Variants in TAOK3 observed in about 807,000 individuals in gnomAD.
TAOK3 encodes the protein TAO kinase 3, also known as serine/threonine-protein kinase TAO3.
TAOK3 carries 40 observed loss-of-function variants against 120.4 expected under a neutral mutation model. The observed-to-expected ratio is 0.33, with a 90% CI of 0.26 to 0.43. The LOEUF is 0.43. TAOK3 is among the 20% of genes least tolerant of loss of function. The probability of loss-of-function intolerance (pLI) is 1.00; values close to 1 mark genes in which losing one functional copy is unlikely to be tolerated. For synonymous variants in TAOK3, 355 were observed against 387.5 expected (o/e 0.92, Z 0.99); for missense variants, 821 against 1,112.1 (o/e 0.74, Z 3.72).
chr12:118,286,291 T>C (rs1355767814), intron 1 of TAOK3, among the ~76,000 whole-genome samples: 1 of 152,158 alleles, frequency 6.6e-6, no homozygotes, highest in African/African-American at 2.4e-5. Context: ...AATTCCTACC[T>C]GCAGAGTGGG....
intron 1 of TAOK3, among the ~76,000 whole-genome samples, chr12:118,299,598 C>T (rs2042803640): frequency 6.6e-6 from 1 of 152,126 alleles, no homozygotes; most frequent in African/African-American, 2.4e-5. Context: ...CAACCTCTGC[C>T]TCCCAGGTTC....
chr12:118,345,377 T>C (rs1477362772), intron 1 of TAOK3, among the ~76,000 whole-genome samples: 2 of 151,986 alleles, frequency 1.3e-5, no homozygotes, highest in Non-Finnish European at 2.9e-5. Flanking sequence ...CTCAAAAGGG[T>C]TCATAACCAA....
At chr12:118,208,263 G>A (rs1420338579) in intron 11 of TAOK3, among the ~76,000 whole-genome samples, 2 of 152,048 alleles carry the variant, frequency 1.3e-5, no homozygotes, top group African/African-American at 4.8e-5. Context: ...AAAAATGCAT[G>A]GAAAAGATGT....
chr12:118,329,159 CAGTTCATGACTA>C (rs1241872987), intron 1 of TAOK3, among the ~76,000 whole-genome samples: 11 of 152,264 alleles, frequency 7.2e-5, no homozygotes, highest in Middle Eastern at 3.4e-3. Context: ...CCTAGAGACA[CAGTTCATGACTA>C]ATAAACACAA....
intron 1 of TAOK3, among the ~76,000 whole-genome samples, chr12:118,291,994 T>C (rs950386583): frequency 1.3e-5 from 2 of 152,108 alleles, no homozygotes; most frequent in East Asian, 3.9e-4. Context: ...TTTGTATTTT[T>C]AGTGAAGACG....
chr12:118,316,058 T>G (rs557622915), intron 1 of TAOK3, among the ~76,000 whole-genome samples: 14 of 152,304 alleles, frequency 9.2e-5, no homozygotes, highest in African/African-American at 3.4e-4. Flanking sequence ...TAATGAGACA[T>G]CATGCACATG....
Position 118,151,261 on chromosome 12 carries a change from T to C in TAOK3, c.2536-103A>G, listed in dbSNP as rs1232143834. On this transcript the variant is annotated intron_variant, in intron 20 of 20. Coordinates refer to ENST00000392533, the MANE Select transcript of TAOK3 (RefSeq NM_016281.4). ...CACACATATGACATGCACACACACA[T>C]AGGCACACACATGAAGTGCGCGCGC... is the stretch of plus-strand genomic sequence containing the variant. 56 of 1,156,852 alleles carry C rather than the reference T, an allele frequency of 4.8e-5. No individual in the cohort carries two copies. In the South Asian group the frequency reaches 6.7e-4, roughly 14 times the overall value. The allele number at this position is 1,156,852 out of a possible 1,614,324, so 71.7% of individuals were successfully genotyped here. A position where few individuals can be genotyped will look rare whatever the true frequency, so the allele number is the denominator to read the frequency against.
intron 1 of TAOK3, among the ~76,000 whole-genome samples, chr12:118,284,193 G>T (rs983688598): frequency 2.6e-5 from 4 of 152,012 alleles, no homozygotes; most frequent in African/African-American, 7.2e-5. Flanking sequence ...TGAACATGTA[G>T]AATTTATTTT....
chr12:118,320,695 A>C (rs1464434975), intron 1 of TAOK3, among the ~76,000 whole-genome samples: 1 of 152,194 alleles, frequency 6.6e-6, no homozygotes, highest in African/African-American at 2.4e-5. Flanking sequence ...ACACTGCTTT[A>C]TACAACTGCT....
At chr12:118,264,358 T>A (rs1947005877) in intron 2 of TAOK3, among the ~76,000 whole-genome samples, 1 of 152,166 alleles carries the variant, frequency 6.6e-6, no homozygotes, top group South Asian at 2.1e-4. Flanking sequence ...CAATCTGTGA[T>A]AAATACAATG....
chr12:118,335,145 T>C (rs1408659234), intron 1 of TAOK3, among the ~76,000 whole-genome samples: 3 of 143,262 alleles, frequency 2.1e-5, no homozygotes, highest in African/African-American at 7.9e-5. Flanking sequence ...GGTTGCGCCA[T>C]CCCACTTCAG....
intron 9 of TAOK3, among the ~76,000 whole-genome samples, chr12:118,231,144 A>G (rs1254458835): frequency 6.6e-6 from 1 of 152,200 alleles, no homozygotes; most frequent in African/African-American, 2.4e-5. Flanking sequence ...TAGGAAGTGT[A>G]TATTCATGTT....
At chr12:118,324,397 T>C (rs1303733699) in intron 1 of TAOK3, among the ~76,000 whole-genome samples, 1 of 152,188 alleles carries the variant, frequency 6.6e-6, no homozygotes, top group Non-Finnish European at 1.5e-5. Flanking sequence ...CCAATTCCAC[T>C]CTCTTTTAAT....
At chr12:118,204,091 C>T (rs1356572461) in intron 11 of TAOK3, among the ~76,000 whole-genome samples, 1 of 151,862 alleles carries the variant, frequency 6.6e-6, no homozygotes, top group African/African-American at 2.4e-5. Flanking sequence ...CATGGTGAAA[C>T]CCCGTCTCTA....
chr12:118,173,362 G>A (rs1480822234), intron 16 of TAOK3, among the ~76,000 whole-genome samples: 1 of 152,196 alleles, frequency 6.6e-6, no homozygotes, highest in East Asian at 1.9e-4. Context: ...TTTAGTATAG[G>A]AGAAATGGAT....
intron 17 of TAOK3, among the ~76,000 whole-genome samples, chr12:118,165,751 G>A (rs1351073151): frequency 6.6e-6 from 1 of 152,158 alleles, no homozygotes; most frequent in Non-Finnish European, 1.5e-5. Flanking sequence ...AAGACCATAA[G>A]AAAGTGCTTC....
At chr12:118,339,353 C>T (rs1430674683) in intron 1 of TAOK3, among the ~76,000 whole-genome samples, 1 of 132,960 alleles carries the variant, frequency 7.5e-6, no homozygotes, top group Non-Finnish European at 1.5e-5. Flanking sequence ...GGCGCGATCT[C>T]GGCTCACCGC....
At chr12:118,300,069 G>T (rs901136109) in intron 1 of TAOK3, among the ~76,000 whole-genome samples, 1 of 152,172 alleles carries the variant, frequency 6.6e-6, no homozygotes, top group Non-Finnish European at 1.5e-5. Context: ...GGTACCAATT[G>T]CTTCTGTGCT....
intron 9 of TAOK3, among the ~76,000 whole-genome samples, chr12:118,224,499 C>A (rs1328778173): frequency 6.6e-6 from 1 of 152,206 alleles, no homozygotes. Flanking sequence ...TGCCGACAGA[C>A]TATTTGCCAG....
Sources: gnomAD v4.1 joint callset for allele counts (sites outside exome capture counted in the v4.1 genomes callset) on GRCh38, gnomAD v4.1.1 for gene constraint, MANE v1.5 for transcripts, NCBI Gene and HGNC (gene_info 2026-07-23, HGNC 2026-07-21) for gene names.